Variants in JARID2 observed in about 807,000 individuals in gnomAD.
The protein encoded by JARID2 is protein Jumonji.
A neutral mutation model predicts 125.6 loss-of-function variants in JARID2; 21 were observed. The observed-to-expected ratio is 0.17, with a 90% CI of 0.12 to 0.24. The LOEUF is 0.24. Ranked by LOEUF, JARID2 falls within the 10% of genes least tolerant of loss-of-function variation. The probability of loss-of-function intolerance (pLI) is 1.00; values close to 1 mark genes in which losing one functional copy is unlikely to be tolerated. For synonymous variants in JARID2, 736 were observed against 661.6 expected, an observed-to-expected ratio of 1.11 and a Z score of -1.73; for missense variants, 1,303 against 1,639.6, an observed-to-expected ratio of 0.79 and a Z score of 3.55.
At chr6:15,462,499 G>C (rs778284393) in intron 4 of JARID2, among the ~76,000 whole-genome samples, 3 of 152,214 alleles carry the variant, frequency 2.0e-5, no homozygotes, top group Non-Finnish European at 2.9e-5. Flanking sequence ...GGGTGCAACT[G>C]CTTTCTTCTG....
At chr6:15,390,023 C>T (rs371319778) in intron 2 of JARID2, among the ~76,000 whole-genome samples, 266 of 152,244 alleles carry the variant, frequency 1.7e-3, no homozygotes, top group African/African-American at 6.0e-3. Flanking sequence ...ATGAGGAGGG[C>T]GGTGCTTGAG....
chr6:15,292,740 T>A (rs1761273938), intron 1 of JARID2, among the ~76,000 whole-genome samples: 1 of 152,244 alleles, frequency 6.6e-6, no homozygotes, highest in African/African-American at 2.4e-5. Flanking sequence ...CAATCTTGGC[T>A]CACTGCAACC....
chr6:15,400,840 C>T, intron 2 of JARID2: 12 of 1,283,040 alleles, frequency 9.4e-6, no homozygotes, highest in Non-Finnish European at 1.1e-5. Context: ...TTATTACGTA[C>T]AGGGGAGGAT....
chr6:15,384,779 T>C (rs1764722081), intron 2 of JARID2, among the ~76,000 whole-genome samples: 1 of 152,066 alleles, frequency 6.6e-6, no homozygotes, highest in African/African-American at 2.4e-5. Flanking sequence ...GTGTTGCCCA[T>C]GCTGGTCTCG....
At chr6:15,366,509 CG>C (rs1217236890) in intron 1 of JARID2, among the ~76,000 whole-genome samples, 212 of 4,880 alleles carry the variant, frequency 0.043, no homozygotes, top group Non-Finnish European at 0.12. Flanking sequence ...GGGTGGGGGG[CG>C]GGGGGGGCGG....
intron 9 of JARID2, among the ~76,000 whole-genome samples, chr6:15,506,415 A>G (rs1426061139): frequency 2.6e-5 from 4 of 152,184 alleles, no homozygotes; most frequent in Non-Finnish European, 5.9e-5. Context: ...CATTGAGGAA[A>G]GTGGTTTTGG....
At chr6:15,406,569 G>A (rs1765660363) in intron 2 of JARID2, among the ~76,000 whole-genome samples, 1 of 152,160 alleles carries the variant, frequency 6.6e-6, no homozygotes, top group Admixed American at 6.5e-5. Context: ...TCCTCAGAAT[G>A]GTGGAAAACT....
In JARID2 at chr6:15,501,326, C is replaced by G. The variant is rs2127744172; in HGVS notation, c.2365C>G (p.Leu789Val). Residue 789 changes from leucine (L) to valine (V), a missense_variant, in exon 8 of 18, where the codon CTC becomes GTC. Transcript: ENST00000341776. ...CCAGTTGAAGACTGGCCGGCGGCGA[C>G]TCTTCGCTCAGGAAAAAGAAGTGGT... ...QAQLKTGRRR[L>V]FAQEKEVVKE... 6.2e-7 allele frequency: 1 copy of G among 1,607,410 alleles called. No homozygotes were observed. Among genetic ancestry groups the G allele is most frequent in the Non-Finnish European group, 8.5e-7 (1 of 1,176,404 alleles).
intron 3 of JARID2, among the ~76,000 whole-genome samples, chr6:15,417,462 G>T (rs1279642882): frequency 6.6e-6 from 1 of 152,198 alleles, no homozygotes; most frequent in Non-Finnish European, 1.5e-5. Flanking sequence ...TATTGGTTGG[G>T]TGCAATGGCT....
At position 15,452,614 on chromosome 6, in the gene JARID2, C is replaced by T. The variant is rs369525730; in HGVS notation, c.493+439C>T. Among the ~76,000 whole-genome samples, 5 of 152,228 alleles carry T rather than the reference C, an allele frequency of 3.3e-5. 1 individual carries two copies. Among genetic ancestry groups the T allele is most frequent in the African/African-American group, 9.6e-5 (4 of 41,538 alleles). ...ATAAGCCATGGTGATGAGGGACTTA[C>T]GGTTCTCTCAGCCCTATATTACGTT... On this transcript the variant is annotated intron_variant, in intron 4 of 17. Coordinates refer to ENST00000341776, the MANE Select transcript of JARID2 (RefSeq NM_004973.4).
At chr6:15,504,694 G>C (rs993107621) in intron 9 of JARID2, 102 bp downstream of exon 9, 57 of 751,610 alleles carry the variant, frequency 7.6e-5, no homozygotes, top group Admixed American at 3.8e-4. Flanking sequence ...TCGGTGAACG[G>C]AAAGGACTCA....
intron 5 of JARID2, among the ~76,000 whole-genome samples, chr6:15,481,178 G>C (rs532802762): frequency 6.6e-6 from 1 of 152,210 alleles, no homozygotes; most frequent in South Asian, 2.1e-4. Flanking sequence ...TTTGCCTGCC[G>C]TGGTGTGAAA....
intron 1 of JARID2, among the ~76,000 whole-genome samples, chr6:15,323,857 T>C (rs975389601): frequency 2.0e-5 from 3 of 151,550 alleles, no homozygotes; most frequent in Admixed American, 1.3e-4. Context: ...GCCACTGTAC[T>C]CCAGCCTGGG....
chr6:15,370,540 A>G (rs1764129105), intron 1 of JARID2, among the ~76,000 whole-genome samples: 1 of 151,670 alleles, frequency 6.6e-6, no homozygotes, highest in African/African-American at 2.4e-5. Context: ...ACAGGGTTTC[A>G]CCGTGTTAGC....
At chr6:15,401,905 T>G (rs1350418546) in intron 2 of JARID2, among the ~76,000 whole-genome samples, 1 of 151,416 alleles carries the variant, frequency 6.6e-6, no homozygotes, top group African/African-American at 2.4e-5. Context: ...GCAGTTTTTT[T>G]TTTTTTTTTT....
Position 15,496,132 on chromosome 6 carries a change from G to T in JARID2, c.907G>T (p.Val303Phe), listed in dbSNP as rs753477468. The T allele has an allele frequency of 4.4e-6, 7 of 1,604,862 alleles. No individual in the cohort carries two copies. In the South Asian group the frequency reaches 7.8e-5, roughly 18 times the overall value. The change falls in exon 7 of 18, where the codon GTT (valine) becomes TTT (phenylalanine). Residue 303 changes from valine to phenylalanine, a missense_variant and splice_region_variant. By Grantham distance (50) the Val-to-Phe change is conservative. Coordinates refer to ENST00000341776, the MANE Select transcript of JARID2 (RefSeq NM_004973.4). Reference protein sequence around the residue: ...HRSAQDLRKQVSKVNGVTRMS... With the variant: ...HRSAQDLRKQFSKVNGVTRMS... The stretch of plus-strand genomic sequence containing the variant: ...CACCTCTGCTTCTGCTGCTCCACAG[G>T]TTTCTAAGGTAAACGGAGTCACTCG...
At chr6:15,393,188 A>G (rs1012083041) in intron 2 of JARID2, among the ~76,000 whole-genome samples, 1 of 128,682 alleles carries the variant, frequency 7.8e-6, no homozygotes, top group African/African-American at 2.9e-5. Context: ...TGTTATGTAG[A>G]CAATTCTGAC....
chr6:15,447,909 A>G (rs938339016), intron 3 of JARID2, among the ~76,000 whole-genome samples: 10 of 151,756 alleles, frequency 6.6e-5, no homozygotes, highest in African/African-American at 2.4e-4. Flanking sequence ...ACTTTCTTCC[A>G]TTTTCCTATA....
intron 1 of JARID2, among the ~76,000 whole-genome samples, chr6:15,322,926 C>T (rs185670225): frequency 6.6e-6 from 1 of 152,338 alleles, no homozygotes; most frequent in East Asian, 1.9e-4. Context: ...AACATAACAG[C>T]ATACTCTTAA....
Sources: allele counts gnomAD v4.1 joint callset (sites outside exome capture counted in the v4.1 genomes callset), GRCh38; gene constraint gnomAD v4.1.1; transcripts MANE v1.5; gene names NCBI Gene and HGNC (gene_info 2026-07-23, HGNC 2026-07-21).